Variants in MTUS1 observed in about 807,000 individuals in gnomAD.
MTUS1 encodes the protein microtubule associated scaffold protein 1.
MTUS1 carries 109 observed loss-of-function variants against 120.8 expected under a neutral mutation model. That is an observed-to-expected ratio of 0.90 (90% CI 0.77 to 1.06). The LOEUF is 1.06. Among genes scored for constraint, MTUS1 ranks in the 50% least tolerant of loss-of-function variants. MTUS1 has a pLI of 0.00. For missense variants in MTUS1, 2,210 were observed against 1,486.3 expected, an observed-to-expected ratio of 1.49 and a Z score of -8.01; for synonymous variants, 737 against 550.5, an observed-to-expected ratio of 1.34 and a Z score of -4.74.
At chr8:17,759,324 T>C (rs1336594634) in intron 1 of MTUS1, among the ~76,000 whole-genome samples, 1 of 150,976 alleles carries the variant, frequency 6.6e-6, no homozygotes, top group African/African-American at 2.4e-5. Flanking sequence ...AGTGCAGTGA[T>C]GTGATTACAG....
rs1815573163 is a variant in MTUS1, at chr8:17,685,443, C to G, written c.2624-901G>C. Among the ~76,000 whole-genome samples, 5 of 146,924 alleles carry G rather than the reference C, an allele frequency of 3.4e-5. No homozygotes were observed. The South Asian group carries it at 1.1e-3, about 32-fold the overall frequency. ...AAATAAACAAGCCAAGTAATCCAAA[C>G]AAATGTAAATCTGGAAAAAAGACAC... is the stretch of plus-strand genomic sequence containing the variant. On this transcript the variant is annotated intron_variant, in intron 6 of 14. Coordinates refer to ENST00000693296, the MANE Select transcript of MTUS1 (RefSeq NM_001363059.2).
rs769142666 is a variant in MTUS1 at position 17,754,415 on chromosome 8, G to T, written c.1393C>A (p.Pro465Thr). ...EKGNRGLKNI[P>T]DSKEAPVNLC... is the part of the protein sequence containing the mutation. ...TTCACAGGTGCCTCCTTCGAGTCTG[G>T]TATGTTTTTAAGCCCTCGATTACCC... The change falls in exon 2 of 15, where the codon CCA becomes ACA. Residue 465 changes from proline (P) to threonine (T), a missense_variant. Physicochemically the swap from Pro to Thr is conservative, Grantham distance 38 (BLOSUM62 -1). Transcript: ENST00000693296. The T allele has an allele frequency of 6.2e-7, 1 of 1,614,084 alleles. No homozygotes were observed.
chr8:17,709,646 G>C (rs1820873659), intron 6 of MTUS1, among the ~76,000 whole-genome samples: 1 of 151,986 alleles, frequency 6.6e-6, no homozygotes. Context: ...TGGTTTCTCA[G>C]TGCATATAAA....
intron 1 of MTUS1, among the ~76,000 whole-genome samples, chr8:17,766,302 G>A (rs2049481140): frequency 6.6e-6 from 1 of 152,162 alleles, no homozygotes; most frequent in Non-Finnish European, 1.5e-5. Flanking sequence ...AGTACACCCA[G>A]TACACAAGTA....
chr8:17,799,975 G>A (rs2052550351), intron 1 of MTUS1, among the ~76,000 whole-genome samples: 1 of 151,510 alleles, frequency 6.6e-6, no homozygotes, highest in African/African-American at 2.4e-5. Context: ...TTTCTACACT[G>A]TAAAGCACTG....
rs570724371 is a variant in MTUS1 at position 17,662,619 on chromosome 8, G to A, written c.2906-6554C>T. ...TCCGCCCACCTCAGCATCCCAAAGT[G>A]CTGGAATTACAGGTGTGAGCCACTG... On this transcript the variant is annotated intron_variant, in intron 8 of 14. Coordinates refer to ENST00000693296, the MANE Select transcript of MTUS1 (RefSeq NM_001363059.2). Among the ~76,000 whole-genome samples, 27 of 152,076 alleles carry A rather than the reference G, an allele frequency of 1.8e-4. No individual in the cohort carries two copies. In the South Asian group the frequency reaches 5.6e-3, roughly 32 times the overall value.
intron 3 of MTUS1, among the ~76,000 whole-genome samples, chr8:17,736,934 A>G (rs957177434): frequency 6.6e-5 from 10 of 151,862 alleles, no homozygotes; most frequent in African/African-American, 2.2e-4. Context: ...AAATGTATTT[A>G]TTTTCTTAAT....
chr8:17,774,888 A>G (rs389280), intron 1 of MTUS1, among the ~76,000 whole-genome samples: 25,983 of 151,256 alleles, frequency 0.17, 2,261 homozygotes, highest in East Asian at 0.21. Context: ...ATCTATACAT[A>G]CAGTGGAATA....
chr8:17,761,415 T>G (rs1186672671), intron 1 of MTUS1, among the ~76,000 whole-genome samples: 1 of 152,150 alleles, frequency 6.6e-6, no homozygotes, highest in East Asian at 1.9e-4. Context: ...ATTTTAAAGA[T>G]CCAATTCAAA....
At chr8:17,745,634 G>T (rs989863714) in intron 2 of MTUS1, among the ~76,000 whole-genome samples, 2 of 152,160 alleles carry the variant, frequency 1.3e-5, no homozygotes, top group African/African-American at 4.8e-5. Flanking sequence ...GTGTACTCAA[G>T]ATCACCAGTG....
chr8:17,730,858 T>G (rs1454928740), intron 3 of MTUS1, among the ~76,000 whole-genome samples: 2 of 152,066 alleles, frequency 1.3e-5, no homozygotes, highest in African/African-American at 4.8e-5. Context: ...ATACAGGATT[T>G]CAGGGGGGAA....
At chr8:17,698,037 A>G (rs1818322567) in intron 6 of MTUS1, among the ~76,000 whole-genome samples, 1 of 152,158 alleles carries the variant, frequency 6.6e-6, no homozygotes, top group South Asian at 2.1e-4. Flanking sequence ...AATATTTAAG[A>G]AAATTTCTAT....
At position 17,723,749 on chromosome 8, in the gene MTUS1, C is replaced by CT. The variant is rs776398338; in HGVS notation, c.2371dup (p.Ser791LysfsTer19). The CT allele has an allele frequency of 1.2e-6, 2 of 1,610,736 alleles. No homozygotes were observed. ...GCTTCCTGTCCTCCGCAGCGCAGGACTTTTCAAAGATGCTTTGGATTTAGG... is the reference window on the plus strand; with the variant it reads ...GCTTCCTGTCCTCCGCAGCGCAGGACTTTTTCAAAGATGCTTTGGATTTAGG... On this transcript the variant is annotated frameshift_variant, in exon 4 of 15. Transcript: ENST00000693296. LOFTEE classifies it high-confidence loss of function.
intron 8 of MTUS1, among the ~76,000 whole-genome samples, chr8:17,668,116 G>T (rs552531715): frequency 2.0e-4 from 31 of 152,090 alleles, no homozygotes; most frequent in Middle Eastern, 3.4e-3. Flanking sequence ...CATTAATTTA[G>T]ATCAAGCTTG....
At chr8:17,681,951 G>T (rs1326017964) in intron 7 of MTUS1, among the ~76,000 whole-genome samples, 3 of 152,058 alleles carry the variant, frequency 2.0e-5, no homozygotes, top group African/African-American at 7.2e-5. Flanking sequence ...TTGTTAATGA[G>T]ATATTTTACA....
intron 1 of MTUS1, among the ~76,000 whole-genome samples, chr8:17,761,990 G>C (rs1333492585): frequency 6.6e-6 from 1 of 152,128 alleles, no homozygotes; most frequent in Non-Finnish European, 1.5e-5. Flanking sequence ...TAAAAACGAA[G>C]CAGTTGAGGC....
At chr8:17,731,079 C>T (rs2046543311) in intron 3 of MTUS1, among the ~76,000 whole-genome samples, 1 of 152,140 alleles carries the variant, frequency 6.6e-6, no homozygotes, top group South Asian at 2.1e-4. Context: ...TAAAACCATA[C>T]TGACAGATTA....
intron 3 of MTUS1, among the ~76,000 whole-genome samples, chr8:17,728,782 T>C (rs1172682679): frequency 7.9e-6 from 1 of 126,276 alleles, no homozygotes; most frequent in Non-Finnish European, 1.7e-5. Context: ...AGATGTGGGT[T>C]GGGGGGGTCG....
intron 1 of MTUS1, among the ~76,000 whole-genome samples, chr8:17,765,116 A>G (rs2049372680): frequency 6.6e-6 from 1 of 152,162 alleles, no homozygotes; most frequent in Admixed American, 6.5e-5. Context: ...GATACCTCGC[A>G]TGCACAGTTC....
Sources: gnomAD v4.1 joint callset for allele counts (sites outside exome capture counted in the v4.1 genomes callset) on GRCh38, gnomAD v4.1.1 for gene constraint, MANE v1.5 for transcripts, NCBI Gene and HGNC (gene_info 2026-07-23, HGNC 2026-07-21) for gene names.